Variants in LRRC7 observed in about 807,000 individuals in gnomAD.
LRRC7 encodes the protein leucine-rich repeat-containing protein 7.
LRRC7 carries 23 observed loss-of-function variants against 175.7 expected under a neutral mutation model. That is an observed-to-expected ratio of 0.13 (90% CI 0.09 to 0.19). The LOEUF (loss-of-function observed/expected upper bound fraction) is 0.19, where lower values mean the gene tolerates loss of function less well. LRRC7 is among the 10% of genes least tolerant of loss of function. The pLI, the probability that LRRC7 is intolerant of heterozygous loss-of-function variation, is 1.00. For missense variants in LRRC7, 1,354 were observed against 1,904.7 expected, an observed-to-expected ratio of 0.71 and a Z score of 5.38; for synonymous variants, 685 against 680.9, an observed-to-expected ratio of 1.01 and a Z score of -0.09.
At chr1:69,886,909 C>T (rs1352271304) in intron 7 of LRRC7, among the ~76,000 whole-genome samples, 8 of 151,822 alleles carry the variant, frequency 5.3e-5, no homozygotes, top group East Asian at 1.9e-4. Flanking sequence ...AATTCTGGGT[C>T]GAAAATTCTT....
chr1:69,661,546 G>A (rs1657480339), intron 1 of LRRC7, among the ~76,000 whole-genome samples: 1 of 152,026 alleles, frequency 6.6e-6, no homozygotes, highest in Non-Finnish European at 1.5e-5. Flanking sequence ...TACTCTGAGT[G>A]GTCAGCACCA....
intron 3 of LRRC7, among the ~76,000 whole-genome samples, chr1:69,790,647 T>A (rs954858402): frequency 1.3e-5 from 2 of 151,948 alleles, no homozygotes; most frequent in Admixed American, 1.3e-4. Context: ...GTAATAGTTG[T>A]AACAGAATGA....
intron 4 of LRRC7, among the ~76,000 whole-genome samples, 177 bp downstream of exon 4, chr1:69,792,337 C>T (rs946915093): frequency 2.6e-5 from 4 of 152,062 alleles, no homozygotes; most frequent in African/African-American, 7.2e-5. Context: ...CGTCCTGTCT[C>T]TCCTCCTCTT....
In LRRC7 at chr1:69,781,791, AAGGAAGGAAGGAAGGAAGGAAGG is replaced by A. The variant is rs1673690178; in HGVS notation, c.304-10250_304-10228del. ...AAAGAAAGAAAGAAAGAAAGAAAGG[AAGGAAGGAAGGAAGGAAGGAAGG>A]AAGGAAGGAAGGAAGGAAGGAAGGA... is the stretch of plus-strand genomic sequence containing the variant. On this transcript the variant is annotated intron_variant, in intron 3 of 26. Coordinates refer to ENST00000651989, the MANE Select transcript of LRRC7 (RefSeq NM_001370785.2). Among the ~76,000 whole-genome samples the A allele has an allele frequency of 7.3e-4, 16 of 21,830 alleles. 1 individual carries two copies. Among genetic ancestry groups the A allele is most frequent in the Non-Finnish European group, 7.9e-4 (9 of 11,448 alleles). 14.3% of individuals were successfully genotyped at this position (21,830 alleles called of 152,430 possible). A position where few individuals can be genotyped will look rare whatever the true frequency, so the allele number is the denominator to read the frequency against.
chr1:69,926,749 G>C (rs1647087394), intron 7 of LRRC7, among the ~76,000 whole-genome samples: 1 of 152,144 alleles, frequency 6.6e-6, no homozygotes, highest in Non-Finnish European at 1.5e-5. Flanking sequence ...GATGGGTCTT[G>C]ACTCTTTATC....
intron 1 of LRRC7, among the ~76,000 whole-genome samples, chr1:69,661,497 G>A (rs563123973): frequency 9.2e-5 from 14 of 151,968 alleles, no homozygotes; most frequent in Non-Finnish European, 1.0e-4. Context: ...TTGATTAATC[G>A]TAACAGTTCA....
Position 70,054,881 on chromosome 1 carries a change from C to T in LRRC7, c.4230+1736C>T, listed in dbSNP as rs183023899. On this transcript the variant is annotated intron_variant, in intron 23 of 26. Transcript: ENST00000651989. The stretch of plus-strand genomic sequence containing the variant: ...CTGGGTTTACAGGCATGAACCACCG[C>T]TCCCGGCCTACACTCTACTTTCTAA... Among the ~76,000 whole-genome samples the T allele has an allele frequency of 4.0e-3, 613 of 151,648 alleles. 2 individuals are homozygous for T. Among genetic ancestry groups the T allele is most frequent in the African/African-American group, 0.012 (516 of 41,298 alleles).
intron 7 of LRRC7, among the ~76,000 whole-genome samples, chr1:69,927,365 A>T (rs1258376410): frequency 6.6e-6 from 1 of 152,098 alleles, no homozygotes; most frequent in African/African-American, 2.4e-5. Context: ...GCCTTGCTAG[A>T]TTGGGGAAGT....
chr1:69,899,424 T>C (rs1185555458), intron 7 of LRRC7, among the ~76,000 whole-genome samples: 4 of 152,188 alleles, frequency 2.6e-5, no homozygotes, highest in African/African-American at 7.2e-5. Context: ...AAATGCCAGA[T>C]GCCAGGGAGC....
chr1:69,939,868 G>A (rs7523425), intron 8 of LRRC7, among the ~76,000 whole-genome samples: 59,270 of 151,866 alleles, frequency 0.39, 12,812 homozygotes, highest in East Asian at 0.55. Context: ...AACAATAGTA[G>A]AGGTAGAGAA....
At chr1:69,585,752 T>C (rs907720545) in intron 1 of LRRC7, among the ~76,000 whole-genome samples, 1 of 152,162 alleles carries the variant, frequency 6.6e-6, no homozygotes. Context: ...GATAAAACAC[T>C]TGCATCCTTT....
At chr1:70,041,136 A>G (rs1426055839) in intron 21 of LRRC7, among the ~76,000 whole-genome samples, 1 of 152,090 alleles carries the variant, frequency 6.6e-6, no homozygotes, top group African/African-American at 2.4e-5. Context: ...GTAATAATAT[A>G]CTATCGCATT....
chr1:70,117,015 G>T (rs1665906224), intron 26 of LRRC7, among the ~76,000 whole-genome samples: 1 of 152,100 alleles, frequency 6.6e-6, no homozygotes, highest in Non-Finnish European at 1.5e-5. Flanking sequence ...AGAGCTGTAG[G>T]CATTCAAAGT....
chr1:69,738,726 G>A (rs1235192908), intron 2 of LRRC7, among the ~76,000 whole-genome samples: 1 of 152,046 alleles, frequency 6.6e-6, no homozygotes, highest in Non-Finnish European at 1.5e-5. Flanking sequence ...CTCCCAGGGA[G>A]AGTTTATGTG....
chr1:69,845,290 G>T (rs1237936059), intron 7 of LRRC7, among the ~76,000 whole-genome samples: 2 of 151,934 alleles, frequency 1.3e-5, no homozygotes, highest in Non-Finnish European at 2.9e-5. Flanking sequence ...GTAAAAAACA[G>T]CATTTTAGAA....
At chr1:69,891,810 G>A (rs552852913) in intron 7 of LRRC7, among the ~76,000 whole-genome samples, 2 of 151,532 alleles carry the variant, frequency 1.3e-5, no homozygotes, top group Admixed American at 1.3e-4. Context: ...ATTACCAAAA[G>A]TGATACAAAG....
chr1:69,765,992 T>C (rs904486032), intron 3 of LRRC7, among the ~76,000 whole-genome samples: 1 of 151,886 alleles, frequency 6.6e-6, no homozygotes, highest in Non-Finnish European at 1.5e-5. Context: ...GAGACAGATA[T>C]TTAACAGTCA....
chr1:69,750,311 A>C (rs1210988816), intron 2 of LRRC7, among the ~76,000 whole-genome samples: 1 of 151,334 alleles, frequency 6.6e-6, no homozygotes, highest in Non-Finnish European at 1.5e-5. Context: ...GAAATATTTA[A>C]AAGATTTAGA....
At position 69,940,264 on chromosome 1, in the gene LRRC7, G is replaced by A. The variant is rs1648575554; in HGVS notation, c.711+8694G>A. ...CTCCACTGTCATACATTGAAGTAAA[G>A]GAACTCCTTTTCTTGCTCTTGAATT... On this transcript the variant is annotated intron_variant, in intron 8 of 26. Transcript: ENST00000651989. Among the ~76,000 whole-genome samples the A allele has an allele frequency of 3.3e-5, 5 of 152,144 alleles. No homozygotes were observed. In the South Asian group the frequency reaches 1.0e-3, roughly 32 times the overall value.
Sources: allele counts gnomAD v4.1 joint callset (sites outside exome capture counted in the v4.1 genomes callset), GRCh38; gene constraint gnomAD v4.1.1; transcripts MANE v1.5; gene names NCBI Gene and HGNC (gene_info 2026-07-23, HGNC 2026-07-21).